Variants in CTNNA3 observed in about 807,000 individuals in gnomAD.
CTNNA3 encodes catenin alpha 3, also known as catenin alpha-3.
In CTNNA3, 76 loss-of-function variants were observed where a neutral mutation model predicts 95.7. The ratio of observed to expected loss-of-function variants is 0.79; its 90% confidence interval spans 0.66 to 0.96. The LOEUF (loss-of-function observed/expected upper bound fraction) is 0.96, where lower values mean the gene tolerates loss of function less well. Among genes scored for constraint, CTNNA3 ranks in the 40% least tolerant of loss-of-function variants. CTNNA3 has a pLI of 0.00. For missense variants in CTNNA3, 1,191 were observed against 1,089.8 expected (o/e 1.09, Z -1.31); for synonymous variants, 431 against 374.4 (o/e 1.15, Z -1.74).
intron 9 of CTNNA3, among the ~76,000 whole-genome samples, chr10:66,757,239 A>G (rs540388789): frequency 6.6e-6 from 1 of 152,126 alleles, no homozygotes; most frequent in South Asian, 2.1e-4. Flanking sequence ...TTCTGTCTCC[A>G]CCTTAGGGCT....
chr10:66,040,595 G>A (rs1387779341), intron 15 of CTNNA3, among the ~76,000 whole-genome samples: 1 of 151,954 alleles, frequency 6.6e-6, no homozygotes, highest in African/African-American at 2.4e-5. Context: ...TGGGGCTAGA[G>A]GCCATTATCC....
intron 9 of CTNNA3, among the ~76,000 whole-genome samples, chr10:66,655,826 A>C (rs536405649): frequency 1.7e-4 from 26 of 152,078 alleles, no homozygotes; most frequent in Non-Finnish European, 3.2e-4. Context: ...ATAAGTACAC[A>C]ATTTTAGGAG....
chr10:66,669,503 C>G (rs1846581723), intron 9 of CTNNA3, among the ~76,000 whole-genome samples: 1 of 151,104 alleles, frequency 6.6e-6, no homozygotes, highest in Non-Finnish European at 1.5e-5. Context: ...GATCACACCA[C>G]TGTACTCCAG....
At chr10:66,821,594 T>A (rs1842306351) in intron 7 of CTNNA3, among the ~76,000 whole-genome samples, 1 of 152,162 alleles carries the variant, frequency 6.6e-6, no homozygotes, top group Non-Finnish European at 1.5e-5. Flanking sequence ...AAGAGCACTA[T>A]CCATTTTCAA....
chr10:67,456,527 A>G (rs1476432590), intron 5 of CTNNA3, among the ~76,000 whole-genome samples: 2 of 152,192 alleles, frequency 1.3e-5, no homozygotes, highest in Non-Finnish European at 2.9e-5. Flanking sequence ...TAAAACAAAT[A>G]GAACTAAACT....
In CTNNA3 at chr10:67,333,076, G is replaced by A. The variant is rs942179799; in HGVS notation, c.580-113206C>T. On this transcript the variant is annotated intron_variant, in intron 5 of 17. Transcript: ENST00000433211. ...AATAGTCTACATACTTTATCAAAGC[G>A]TACTGCAATGAAAAGTGTAAGCATG... is the stretch of plus-strand genomic sequence containing the variant. Among the ~76,000 whole-genome samples the A allele has an allele frequency of 7.9e-5, 12 of 152,302 alleles. No homozygotes were observed. In the East Asian group the frequency reaches 1.3e-3, roughly 17 times the overall value.
chr10:66,143,108 A>G (rs1589537207), intron 13 of CTNNA3, among the ~76,000 whole-genome samples: 2 of 152,208 alleles, frequency 1.3e-5, no homozygotes, highest in Non-Finnish European at 2.9e-5. Context: ...AATAGAATAT[A>G]CCACCACCAT....
rs185629346 is a variant in CTNNA3, at chr10:67,168,761, A to T, written c.1047+11556T>A. Reference sequence around the variant, plus strand: ...TCTCTTGCCACTTCTATTCAACATCATATTAGAAGTCTAAGCCAAAGCAAT... The same window carrying T: ...TCTCTTGCCACTTCTATTCAACATCTTATTAGAAGTCTAAGCCAAAGCAAT... On this transcript the variant is annotated intron_variant, in intron 7 of 17. Transcript: ENST00000433211. 2.0e-5 allele frequency among the ~76,000 whole-genome samples: 3 copies of T among 152,294 alleles called. No individual in the cohort carries two copies. In the East Asian group the frequency reaches 5.8e-4, roughly 29 times the overall value.
chr10:67,371,642 G>A (rs1227176669), intron 5 of CTNNA3, among the ~76,000 whole-genome samples: 1 of 152,080 alleles, frequency 6.6e-6, no homozygotes, highest in Non-Finnish European at 1.5e-5. Flanking sequence ...TGGACATCTG[G>A]GTTGGTTCCA....
chr10:66,018,443 T>C (rs996072572), intron 15 of CTNNA3, among the ~76,000 whole-genome samples: 5 of 152,132 alleles, frequency 3.3e-5, no homozygotes, highest in African/African-American at 1.2e-4. Flanking sequence ...AGTATTATTT[T>C]GAGAAAAATA....
chr10:67,149,457 C>T (rs901070554), intron 7 of CTNNA3, among the ~76,000 whole-genome samples: 1 of 151,962 alleles, frequency 6.6e-6, no homozygotes, highest in African/African-American at 2.4e-5. Flanking sequence ...TGGTGACAGG[C>T]GCCTGTAGTC....
rs559058021 is a variant in CTNNA3, at chr10:66,093,929, C to T, written c.1977+9228G>A. Among the ~76,000 whole-genome samples, 8 of 152,192 alleles carry T rather than the reference C, an allele frequency of 5.3e-5. No homozygotes were observed. In the South Asian group the frequency reaches 6.2e-4, roughly 12 times the overall value. ...CTCCTCTGTACTAAGTAGTGTCCTA[C>T]GTTCTGCAAATGTAGTGCTAAAAGA... On this transcript the variant is annotated intron_variant, in intron 14 of 17. Transcript: ENST00000433211.
chr10:67,452,117 A>T (rs1270025742), intron 5 of CTNNA3, among the ~76,000 whole-genome samples: 2 of 149,714 alleles, frequency 1.3e-5, no homozygotes, highest in African/African-American at 5.0e-5. Flanking sequence ...AGGGAGAAAA[A>T]AAGGGAAGAT....
intron 7 of CTNNA3, among the ~76,000 whole-genome samples, chr10:66,785,281 G>T (rs776355253): frequency 2.6e-5 from 4 of 152,112 alleles, no homozygotes; most frequent in African/African-American, 9.7e-5. Flanking sequence ...AACTTGATTG[G>T]GTTAAAAGAT....
chr10:66,507,282 A>T (rs1237381055), intron 11 of CTNNA3, among the ~76,000 whole-genome samples: 2 of 152,166 alleles, frequency 1.3e-5, no homozygotes, highest in Non-Finnish European at 2.9e-5. Flanking sequence ...ATACATGTAT[A>T]CAGTGTGTGA....
chr10:67,704,798 G>A (rs1841067581), intron 1 of CTNNA3, among the ~76,000 whole-genome samples: 1 of 152,156 alleles, frequency 6.6e-6, no homozygotes, highest in Non-Finnish European at 1.5e-5. Context: ...AAACTCAAGA[G>A]CTTCTGCACA....
chr10:66,085,862 A>AAGAATTATTTTACATGAAT (rs6143958), intron 14 of CTNNA3, among the ~76,000 whole-genome samples: 91,873 of 151,876 alleles, frequency 0.6, 27,869 homozygotes, highest in East Asian at 0.71. Flanking sequence ...GTAGTACCAT[A>AAGAATTATTTTACATGAAT]ATTTATGTTA....
rs2077132398 is a variant in CTNNA3 at position 65,924,256 on chromosome 10, C to T, written c.2401-3639G>A. On this transcript the variant is annotated intron_variant, in intron 17 of 17. Coordinates refer to ENST00000433211, the MANE Select transcript of CTNNA3 (RefSeq NM_013266.4). ...GTTCTCTCAACACCAGTGTTTCAAC[C>T]TTAGCTTCCTCTTCTCAGCACCATC... Among the ~76,000 whole-genome samples, 4 of 152,128 alleles carry T rather than the reference C, an allele frequency of 2.6e-5. No individual in the cohort carries two copies. The South Asian group carries it at 8.3e-4, about 32-fold the overall frequency.
At chr10:67,393,441 T>C (rs1844590111) in intron 5 of CTNNA3, among the ~76,000 whole-genome samples, 1 of 152,148 alleles carries the variant, frequency 6.6e-6, no homozygotes, top group Non-Finnish European at 1.5e-5. Flanking sequence ...GCTGAAGTAA[T>C]ATCCCCAGTA....
Sources: allele counts gnomAD v4.1 joint callset (sites outside exome capture counted in the v4.1 genomes callset), GRCh38; gene constraint gnomAD v4.1.1; transcripts MANE v1.5; gene names NCBI Gene and HGNC (gene_info 2026-07-23, HGNC 2026-07-21).